SOCS2: variants seen among roughly 807,000 people sequenced by gnomAD.
SOCS2 encodes suppressor of cytokine signaling 2.
Under a neutral mutation model 18.6 loss-of-function variants are expected in SOCS2, and 10 were observed. The observed-to-expected ratio is 0.54, with a 90% CI of 0.33 to 0.91. The LOEUF (loss-of-function observed/expected upper bound fraction) is 0.91, where lower values mean the gene tolerates loss of function less well. SOCS2 is among the 40% of genes least tolerant of loss of function. The pLI is 0.02. For synonymous variants in SOCS2, 104 were observed against 104.0 expected (o/e 1.00, Z 0.00); for missense variants, 231 against 247.2 (o/e 0.93, Z 0.44).
the SOCS2 span, among the ~76,000 whole-genome samples, chr12:93,611,990 T>C: frequency 6.6e-6 from 1 of 152,152 alleles, no homozygotes; most frequent in South Asian, 2.1e-4. Flanking sequence ...TGGTTATACT[T>C]TTGATTGAAT....
At chr12:93,615,239 CT>C in the SOCS2 span, among the ~76,000 whole-genome samples, 3 of 152,158 alleles carry the variant, frequency 2.0e-5, no homozygotes, top group African/African-American at 7.2e-5. Context: ...AGAGCAAGGA[CT>C]TTTTTTGGTT....
At chr12:93,589,481 T>C in the SOCS2 span, among the ~76,000 whole-genome samples, 1 of 152,214 alleles carries the variant, frequency 6.6e-6, no homozygotes, top group Non-Finnish European at 1.5e-5. Context: ...TGATGGTGGG[T>C]TAAATAATGC....
At chr12:93,614,543 CTTTCTTTCTTT>C in the SOCS2 span, among the ~76,000 whole-genome samples, 6 of 26,728 alleles carry the variant, frequency 2.2e-4, no homozygotes, top group East Asian at 1.5e-3. Flanking sequence ...TTCCTTCCTT[CTTTCTTTCTTT>C]CTTTCTTTCT....
chr12:93,589,071 C>T, the SOCS2 span, among the ~76,000 whole-genome samples: 57 of 152,288 alleles, frequency 3.7e-4, no homozygotes, highest in African/African-American at 1.2e-3. Flanking sequence ...CATTATTTAC[C>T]GTACAGCATG....
At chr12:93,624,184 C>T in the SOCS2 span, among the ~76,000 whole-genome samples, 1 of 152,218 alleles carries the variant, frequency 6.6e-6, no homozygotes, top group Non-Finnish European at 1.5e-5. Context: ...ACACAGAGGT[C>T]AAGGTGCCAT....
the SOCS2 span, among the ~76,000 whole-genome samples, chr12:93,619,124 C>G: frequency 1.3e-5 from 2 of 152,202 alleles, no homozygotes; most frequent in South Asian, 4.1e-4. Context: ...ACTGAAGGGG[C>G]AAGAGTGCAG....
chr12:93,589,973 G>T, the SOCS2 span, among the ~76,000 whole-genome samples: 1 of 152,196 alleles, frequency 6.6e-6, no homozygotes. Context: ...GACCTTCCAG[G>T]CCGGGTGTGG....
At chr12:93,577,905 G>A (rs139400296), downstream of SOCS2, among the ~76,000 whole-genome samples, 885 of 152,290 alleles carry the variant, frequency 5.8e-3, 12 homozygotes, top group African/African-American at 0.02. Flanking sequence ...ACCAAAGCCT[G>A]GAAGAATATC....
chr12:93,617,348 T>C, the SOCS2 span, among the ~76,000 whole-genome samples: 1 of 152,198 alleles, frequency 6.6e-6, no homozygotes, highest in African/African-American at 2.4e-5. Flanking sequence ...GTGGGAGTAG[T>C]GACTTGGAGA....
the SOCS2 span, among the ~76,000 whole-genome samples, chr12:93,625,461 T>C: frequency 1.3e-5 from 2 of 152,036 alleles, no homozygotes; most frequent in Non-Finnish European, 2.9e-5. Context: ...TACGAATTTA[T>C]TGAGGGCCGG....
chr12:93,605,309 A>G, the SOCS2 span, among the ~76,000 whole-genome samples: 1 of 152,160 alleles, frequency 6.6e-6, no homozygotes, highest in Admixed American at 6.5e-5. Context: ...AAATTACCCC[A>G]AAGTCTACTA....
the SOCS2 span, among the ~76,000 whole-genome samples, chr12:93,620,893 A>C: frequency 6.6e-6 from 1 of 152,236 alleles, no homozygotes; most frequent in Non-Finnish European, 1.5e-5. Context: ...GTCTCCTGGT[A>C]TATGCAGATA....
At chr12:93,619,158 G>T in the SOCS2 span, among the ~76,000 whole-genome samples, 1 of 152,332 alleles carries the variant, frequency 6.6e-6, no homozygotes, top group South Asian at 2.1e-4. Context: ...GATGGTAAGA[G>T]CGGAGGCTAT....
downstream of SOCS2, among the ~76,000 whole-genome samples, chr12:93,586,334 A>T (rs1270864013): frequency 6.6e-6 from 1 of 152,246 alleles, no homozygotes; most frequent in Non-Finnish European, 1.5e-5. Flanking sequence ...TTTCAATAAT[A>T]TTAAATGGTA....
downstream of SOCS2, among the ~76,000 whole-genome samples, chr12:93,579,671 C>T (rs1954511561): frequency 6.6e-6 from 1 of 152,090 alleles, no homozygotes; most frequent in Admixed American, 6.5e-5. Context: ...CTAACTTTTC[C>T]TCTGTGTGGC....
At chr12:93,573,226 A>T in intron 1 of SOCS2, 190 bp downstream of exon 1, 1 of 707,346 alleles carries the variant, frequency 1.4e-6, no homozygotes, top group East Asian at 2.8e-5. Flanking sequence ...TTCTCCAGGG[A>T]CTCAGGCCTG....
chr12:93,584,276 T>TTA (rs151229303), downstream of SOCS2, among the ~76,000 whole-genome samples: 4,238 of 152,306 alleles, frequency 0.028, 143 homozygotes, highest in African/African-American at 0.08. Flanking sequence ...AATTAGGCTG[T>TTA]TACCTCTCTC....
chr12:93,617,557 A>T, the SOCS2 span, among the ~76,000 whole-genome samples: 1 of 152,120 alleles, frequency 6.6e-6, no homozygotes, highest in Non-Finnish European at 1.5e-5. Flanking sequence ...GGCACTGTGG[A>T]GGTCTTAGAA....
chr12:93,624,621 T>C, the SOCS2 span, among the ~76,000 whole-genome samples: 1 of 152,096 alleles, frequency 6.6e-6, no homozygotes. Context: ...AGGTGTTTTG[T>C]TATAGCAGCA....
Sources: allele counts gnomAD v4.1 joint callset (sites outside exome capture counted in the v4.1 genomes callset), GRCh38; gene constraint gnomAD v4.1.1; transcripts MANE v1.5; gene names NCBI Gene and HGNC (gene_info 2026-07-23, HGNC 2026-07-21).